The following MAP2K4 variants were observed in gnomAD, a reference collection of about 807,000 sequenced individuals.
The protein encoded by MAP2K4 is mitogen-activated protein kinase kinase 4, also known as dual specificity mitogen-activated protein kinase kinase 4.
A neutral mutation model predicts 48.5 loss-of-function variants in MAP2K4; 4 were observed. The observed-to-expected ratio is 0.08, with a 90% confidence interval of 0.04 to 0.19. The LOEUF is 0.19. MAP2K4 is among the 10% of genes least tolerant of loss of function. MAP2K4 has a pLI of 1.00. For synonymous variants in MAP2K4, 166 were observed against 173.1 expected (o/e 0.96, Z 0.32); for missense variants, 258 against 493.3 (o/e 0.52, Z 4.52).
intron 3 of MAP2K4, among the ~76,000 whole-genome samples, chr17:12,091,015 G>A (rs1208716886): frequency 2.0e-5 from 3 of 152,172 alleles, no homozygotes; most frequent in African/African-American, 4.8e-5. Context: ...GGATTTGGTA[G>A]GGTTTGGATA....
At chr17:12,073,936 G>T (rs927790832) in intron 2 of MAP2K4, among the ~76,000 whole-genome samples, 3 of 151,994 alleles carry the variant, frequency 2.0e-5, no homozygotes, top group African/African-American at 7.2e-5. Flanking sequence ...ACCACGCCCA[G>T]CTAATTTTTG....
chr17:12,101,909 T>C (rs1203150829), intron 4 of MAP2K4, among the ~76,000 whole-genome samples: 1 of 152,168 alleles, frequency 6.6e-6, no homozygotes, highest in Non-Finnish European at 1.5e-5. Flanking sequence ...TTTTTTTACC[T>C]GCCTTCAGAT....
chr17:12,035,408 T>A (rs1969562426), intron 1 of MAP2K4, among the ~76,000 whole-genome samples: 1 of 152,096 alleles, frequency 6.6e-6, no homozygotes, highest in African/African-American at 2.4e-5. Flanking sequence ...TCCTAGCTAT[T>A]TGGGAGGCTG....
chr17:12,057,770 C>T (rs1970327892), intron 2 of MAP2K4, among the ~76,000 whole-genome samples: 1 of 152,020 alleles, frequency 6.6e-6, no homozygotes, highest in South Asian at 2.1e-4. Context: ...ATTTTCCATC[C>T]CCTAAATGGA....
At position 12,126,575 on chromosome 17, in the gene MAP2K4, G is replaced by A. The variant is rs116774076; in HGVS notation, c.891+1204G>A. On this transcript the variant is annotated intron_variant, in intron 8 of 10. Coordinates refer to ENST00000353533, the MANE Select transcript of MAP2K4 (RefSeq NM_003010.4). ...AGAAGAGGCAAGAGAGCTGTCTGGG[G>A]TCTTTCTTACAAGGGCACTAATTAG... Among the ~76,000 whole-genome samples the A allele has an allele frequency of 6.5e-3, 985 of 152,298 alleles. 15 individuals are homozygous for A. The highest frequency in any genetic ancestry group is 0.022 in the African/African-American group (932 of 41,568).
chr17:12,028,616 A>G (rs918316497), intron 1 of MAP2K4, among the ~76,000 whole-genome samples: 4 of 152,210 alleles, frequency 2.6e-5, no homozygotes, highest in African/African-American at 9.7e-5. Flanking sequence ...TGCTTGTGAC[A>G]GAGGAAAGAC....
chr17:12,065,888 T>C (rs1970602354), intron 2 of MAP2K4, among the ~76,000 whole-genome samples: 1 of 152,226 alleles, frequency 6.6e-6, no homozygotes, highest in Admixed American at 6.5e-5. Context: ...TCAGCTTTTA[T>C]GCCTGTGGAA....
chr17:12,026,703 A>C (rs1969264298), intron 1 of MAP2K4, among the ~76,000 whole-genome samples: 1 of 152,220 alleles, frequency 6.6e-6, no homozygotes, highest in Non-Finnish European at 1.5e-5. Flanking sequence ...GTCTGAAGGA[A>C]GCATCTTTGC....
At position 12,142,608 on chromosome 17, in the gene MAP2K4, C is replaced by T. The variant is rs542266426; in HGVS notation, c.*1348C>T. On this transcript the variant is annotated 3_prime_UTR_variant, in exon 11 of 11. Coordinates refer to ENST00000353533, the MANE Select transcript of MAP2K4 (RefSeq NM_003010.4). The stretch of plus-strand genomic sequence containing the variant: ...CATTGGACCAGATGAGGATCCGAAA[C>T]GGCAGCCTTTACGTTCATCACCTGC... The T allele has an allele frequency of 1.4e-4, 33 of 233,126 alleles. No homozygotes were observed. In the South Asian group the frequency reaches 3.6e-3, roughly 26 times the overall value. The allele number at this position is 233,126 out of a possible 1,614,324, so 14.4% of individuals were successfully genotyped here. A position where few individuals can be genotyped will look rare whatever the true frequency, so the allele number is the denominator to read the frequency against.
At chr17:12,032,662 C>T (rs1969476547) in intron 1 of MAP2K4, among the ~76,000 whole-genome samples, 1 of 152,126 alleles carries the variant, frequency 6.6e-6, no homozygotes, top group Non-Finnish European at 1.5e-5. Flanking sequence ...TATATTCAGA[C>T]ATCTTATGCT....
At position 12,075,551 on chromosome 17, in the gene MAP2K4, G is replaced by A. The variant is rs28923171; in HGVS notation, c.219-5805G>A. On this transcript the variant is annotated intron_variant, in intron 2 of 10. Transcript: ENST00000353533. ...AGCAGCGATAACAAAACAAACACCTGGGCCAGGAAGGCTCAGGGGCGCTAT... is the reference window on the plus strand; with the variant it reads ...AGCAGCGATAACAAAACAAACACCTAGGCCAGGAAGGCTCAGGGGCGCTAT... Among the ~76,000 whole-genome samples, 239 of 152,296 alleles carry A rather than the reference G, an allele frequency of 1.6e-3. 2 individuals are homozygous for A. The East Asian group carries it at 0.044, about 28-fold the overall frequency.
In MAP2K4 at chr17:12,095,895, TTGTGTGTGTGTG is replaced by T. The variant is rs71947375; in HGVS notation, c.513+223_513+234del. Among the ~76,000 whole-genome samples the T allele has an allele frequency of 1.9e-3, 273 of 147,394 alleles. 1 individual carries two copies. Among genetic ancestry groups the T allele is most frequent in the African/African-American group, 5.6e-3 (223 of 39,692 alleles). ...GGTAAGGGGTGAATCACACGTGTGTTTGTGTGTGTGTGTGTGTGTGTGTGTGTGTGTGTATTT... is the reference window on the plus strand; with the variant it reads ...GGTAAGGGGTGAATCACACGTGTGTTTGTGTGTGTGTGTGTGTGTGTATTT... On this transcript the variant is annotated intron_variant, in intron 4 of 10. Transcript: ENST00000353533.
At chr17:12,107,716 T>C (rs767512492) in intron 4 of MAP2K4, 74 bp from the exon 5 acceptor site, 95 of 1,250,588 alleles carry the variant, frequency 7.6e-5, no homozygotes, top group Non-Finnish European at 1.0e-4. Context: ...TCCTTTCTAT[T>C]GTATTTCCAT....
intron 4 of MAP2K4, among the ~76,000 whole-genome samples, chr17:12,097,409 G>A (rs1387676184): frequency 6.6e-6 from 1 of 152,154 alleles, no homozygotes; most frequent in Non-Finnish European, 1.5e-5. Flanking sequence ...TACACACCTA[G>A]CCTTGGGCTA....
intron 7 of MAP2K4, among the ~76,000 whole-genome samples, chr17:12,117,513 G>A (rs1972542243): frequency 6.6e-6 from 1 of 152,048 alleles, no homozygotes; most frequent in African/African-American, 2.4e-5. Flanking sequence ...TAATAAAATG[G>A]CATGTATGCA....
intron 1 of MAP2K4, among the ~76,000 whole-genome samples, chr17:12,036,932 G>C (rs1969619685): frequency 6.6e-6 from 1 of 151,866 alleles, no homozygotes; most frequent in African/African-American, 2.4e-5. Flanking sequence ...TATATTATCA[G>C]TTCATGGCCG....
chr17:12,102,251 G>C (rs1272488393), intron 4 of MAP2K4, among the ~76,000 whole-genome samples: 13 of 152,030 alleles, frequency 8.6e-5, no homozygotes, highest in Admixed American at 8.5e-4. Context: ...TCTTTTTCCA[G>C]ATCCTTGAGA....
intron 4 of MAP2K4, among the ~76,000 whole-genome samples, chr17:12,098,839 A>G (rs1376203652): frequency 6.6e-6 from 1 of 152,170 alleles, no homozygotes; most frequent in Non-Finnish European, 1.5e-5. Context: ...TCAGCCATCC[A>G]TCAAGGAGCT....
Position 12,142,617 on chromosome 17 carries a change from T to G in MAP2K4, c.*1357T>G. ...AGATGAGGATCCGAAACGGCAGCCTTTACGTTCATCACCTGCTAGAACCTC... is the reference window on the plus strand; with the variant it reads ...AGATGAGGATCCGAAACGGCAGCCTGTACGTTCATCACCTGCTAGAACCTC... On this transcript the variant is annotated 3_prime_UTR_variant, in exon 11 of 11. Transcript: ENST00000353533. The G allele has an allele frequency of 4.3e-6, 1 of 233,116 alleles. No individual in the cohort carries two copies. The highest frequency in any genetic ancestry group is 8.5e-6 in the Non-Finnish European group (1 of 117,960). 14.4% of individuals were successfully genotyped at this position (233,116 alleles called of 1,614,324 possible).
Sources: gnomAD v4.1 joint callset for allele counts (sites outside exome capture counted in the v4.1 genomes callset) on GRCh38, gnomAD v4.1.1 for gene constraint, MANE v1.5 for transcripts, NCBI Gene and HGNC (gene_info 2026-07-23, HGNC 2026-07-21) for gene names.